KCNIP4: variants seen among roughly 807,000 people sequenced by gnomAD.
KCNIP4 encodes potassium voltage-gated channel interacting protein 4, also known as Kv channel-interacting protein 4.
In KCNIP4, 12 loss-of-function variants were observed where a neutral mutation model predicts 34.0. The observed-to-expected ratio is 0.35, with a 90% CI of 0.23 to 0.57. The LOEUF (loss-of-function observed/expected upper bound fraction) is 0.57. Among genes scored for constraint, KCNIP4 ranks in the 20% least tolerant of loss-of-function variants. The probability of loss-of-function intolerance (pLI) is 0.83; values close to 1 mark genes in which losing one functional copy is unlikely to be tolerated. For missense variants in KCNIP4, 238 were observed against 311.7 expected, an observed-to-expected ratio of 0.76 and a Z score of 1.78; for synonymous variants, 124 against 102.2, an observed-to-expected ratio of 1.21 and a Z score of -1.29.
intron 1 of KCNIP4, among the ~76,000 whole-genome samples, chr4:21,577,504 A>T (rs1740834222): frequency 6.6e-6 from 1 of 152,008 alleles, no homozygotes; most frequent in African/African-American, 2.4e-5. Context: ...TGTGGCAGGC[A>T]CCTGTAATCC....
chr4:20,770,571 G>A (rs540123408), intron 3 of KCNIP4, among the ~76,000 whole-genome samples: 33 of 151,948 alleles, frequency 2.2e-4, no homozygotes, highest in Non-Finnish European at 3.1e-4. Flanking sequence ...ACTCCATATC[G>A]CAGCTGCAGC....
intron 1 of KCNIP4, among the ~76,000 whole-genome samples, chr4:21,662,780 T>C (rs1385251479): frequency 6.6e-6 from 1 of 152,192 alleles, no homozygotes; most frequent in East Asian, 1.9e-4. Context: ...TAAATATTGT[T>C]TTATCAGGAA....
chr4:21,715,284 A>C (rs960631503), intron 1 of KCNIP4, among the ~76,000 whole-genome samples: 1 of 151,638 alleles, frequency 6.6e-6, no homozygotes, highest in Non-Finnish European at 1.5e-5. Flanking sequence ...GGCGCCCGCC[A>C]TCATGCCCGG....
intron 1 of KCNIP4, among the ~76,000 whole-genome samples, chr4:21,258,945 C>T (rs1177277129): frequency 1.3e-5 from 2 of 152,074 alleles, no homozygotes; most frequent in East Asian, 1.9e-4. Flanking sequence ...TAATAGAAAA[C>T]ATTTTTTGAA....
intron 3 of KCNIP4, among the ~76,000 whole-genome samples, chr4:20,848,107 C>G (rs755621745): frequency 6.6e-6 from 1 of 152,038 alleles, no homozygotes; most frequent in Non-Finnish European, 1.5e-5. Context: ...TAAAAGGCCA[C>G]TTGTGTTTGA....
intron 1 of KCNIP4, among the ~76,000 whole-genome samples, chr4:21,028,372 T>A (rs1740728817): frequency 6.6e-6 from 1 of 152,230 alleles, no homozygotes; most frequent in East Asian, 1.9e-4. Context: ...CTCTGATTTT[T>A]ACTTGCTCAG....
rs368525911 is a variant in KCNIP4, at chr4:21,508,660, C to T, written c.61+439911G>A. 1.6e-3 allele frequency among the ~76,000 whole-genome samples: 237 copies of T among 152,330 alleles called. 12 individuals carry two copies. In the South Asian group the frequency reaches 0.042, roughly 27 times the overall value. On this transcript the variant is annotated intron_variant, in intron 1 of 8. Transcript: ENST00000382152. ...ATTTGCCAAGAAATACTGAGGGAAG[C>T]ATTTGCTGCTTTTGCAAGGAACAGA...
At chr4:21,916,523 C>T (rs10516404) in intron 1 of KCNIP4, among the ~76,000 whole-genome samples, 38,524 of 152,064 alleles carry the variant, frequency 0.25, 5,696 homozygotes, top group East Asian at 0.61. Flanking sequence ...TATCCCATTA[C>T]AGTTTCAACA....
At chr4:21,281,636 T>G (rs1220864687) in intron 1 of KCNIP4, among the ~76,000 whole-genome samples, 2 of 152,214 alleles carry the variant, frequency 1.3e-5, no homozygotes, top group African/African-American at 4.8e-5. Context: ...AAGTAGTCTT[T>G]GAGACCCTGA....
At chr4:21,699,820 G>A (rs1387901307) in intron 1 of KCNIP4, among the ~76,000 whole-genome samples, 1 of 152,118 alleles carries the variant, frequency 6.6e-6, no homozygotes, top group Non-Finnish European at 1.5e-5. Flanking sequence ...CTAGGGAATA[G>A]GGGACTTGTG....
intron 1 of KCNIP4, among the ~76,000 whole-genome samples, chr4:20,889,430 G>A (rs190987793): frequency 1.3e-5 from 2 of 152,154 alleles, no homozygotes; most frequent in African/African-American, 4.8e-5. Flanking sequence ...AAGTATTCTT[G>A]TTATCAGAGT....
chr4:21,688,901 T>C (rs1334592727), intron 1 of KCNIP4, among the ~76,000 whole-genome samples: 2 of 152,042 alleles, frequency 1.3e-5, no homozygotes, highest in African/African-American at 2.4e-5. Flanking sequence ...GAACATATTT[T>C]ACAGTCCCGT....
rs184795137 is a variant in KCNIP4 at position 20,739,883 on chromosome 4, G to A, written c.430-5148C>T. On this transcript the variant is annotated intron_variant, in intron 5 of 8. Transcript: ENST00000382152. ...CGAATGGCTGACTAGAATAAACAGCGTAGAGAAGACCTTAAATGACCTGAC... is the reference window on the plus strand; with the variant it reads ...CGAATGGCTGACTAGAATAAACAGCATAGAGAAGACCTTAAATGACCTGAC... 6.1e-3 allele frequency among the ~76,000 whole-genome samples: 933 copies of A among 152,252 alleles called. 12 individuals are homozygous for A. The highest frequency in any genetic ancestry group is 0.047 in the South Asian group (226 of 4,832).
intron 1 of KCNIP4, among the ~76,000 whole-genome samples, chr4:21,224,578 GTTTTT>G (rs765906146): frequency 2.2e-5 from 1 of 44,898 alleles, no homozygotes; most frequent in African/African-American, 1.0e-4. Context: ...TTTTTCAACT[GTTTTT>G]TTTTTTTTTT....
At chr4:21,567,696 A>C (rs1169964437) in intron 1 of KCNIP4, among the ~76,000 whole-genome samples, 3 of 152,178 alleles carry the variant, frequency 2.0e-5, no homozygotes, top group Non-Finnish European at 4.4e-5. Context: ...GATAGGGAAT[A>C]TAACTTTAAA....
chr4:21,921,478 C>A (rs1406481213), intron 1 of KCNIP4, among the ~76,000 whole-genome samples: 1 of 152,122 alleles, frequency 6.6e-6, no homozygotes, highest in African/African-American at 2.4e-5. Flanking sequence ...ATATCCAATT[C>A]CCTAGTTGAC....
intron 1 of KCNIP4, among the ~76,000 whole-genome samples, chr4:21,695,439 T>TC (rs1174795769): frequency 6.6e-6 from 1 of 151,918 alleles, no homozygotes; most frequent in Non-Finnish European, 1.5e-5. Context: ...TCTTTTTTTT[T>TC]TTCCTCCTGT....
At chr4:21,639,991 C>A (rs1746497812) in intron 1 of KCNIP4, among the ~76,000 whole-genome samples, 1 of 152,116 alleles carries the variant, frequency 6.6e-6, no homozygotes, top group Non-Finnish European at 1.5e-5. Flanking sequence ...TGATTATTTC[C>A]TTTTCCCTAA....
intron 1 of KCNIP4, among the ~76,000 whole-genome samples, chr4:21,141,063 CA>C (rs1751913293): frequency 6.6e-6 from 1 of 152,184 alleles, no homozygotes; most frequent in Non-Finnish European, 1.5e-5. Flanking sequence ...ACAAGTCAGA[CA>C]AACTTTTTGA....
Sources: allele counts gnomAD v4.1 joint callset (sites outside exome capture counted in the v4.1 genomes callset), GRCh38; gene constraint gnomAD v4.1.1; transcripts MANE v1.5; gene names NCBI Gene and HGNC (gene_info 2026-07-23, HGNC 2026-07-21).